ADAMTS15: variants seen among roughly 807,000 people sequenced by gnomAD.
The protein encoded by ADAMTS15 is A disintegrin and metalloproteinase with thrombospondin motifs 15.
Under a neutral mutation model 79.1 loss-of-function variants are expected in ADAMTS15, and 35 were observed. The observed-to-expected ratio is 0.44, with a 90% CI of 0.34 to 0.59. The LOEUF (loss-of-function observed/expected upper bound fraction) is 0.59, where lower values mean the gene tolerates loss of function less well. ADAMTS15 is among the 20% of genes least tolerant of loss of function. The pLI, the probability that ADAMTS15 is intolerant of heterozygous loss-of-function variation, is 0.02. For missense variants in ADAMTS15, 1,324 were observed against 1,318.7 expected (o/e 1.00, Z -0.06); for synonymous variants, 616 against 567.3 (o/e 1.09, Z -1.22).
At position 130,449,455 on chromosome 11, in the gene ADAMTS15, G is replaced by A. The variant is rs1263982827; in HGVS notation, c.482G>A (p.Gly161Asp). The A allele has an allele frequency of 1.9e-6, 3 of 1,580,356 alleles. No homozygotes were observed. In the South Asian group the frequency reaches 3.4e-5, roughly 18 times the overall value. The change falls in exon 1 of 8, where the codon GGT becomes GAT. Residue 161 changes from glycine to aspartate, a missense_variant. Gly to Asp is a moderately conservative substitution (Grantham distance 94). Transcript: ENST00000299164. The surrounding 1 kb of genome is among the most constrained non-coding windows in gnomAD (Gnocchi z 7.8). ...GGCGCACACCTTCTCCAGCGCCGGG[G>A]TGTTCCGGGCGGGCCTTCCGGAGAC... The part of the protein sequence containing the change: ...SQGAHLLQRR[G>D]VPGGPSGDPT...
intron 5 of ADAMTS15, among the ~76,000 whole-genome samples, chr11:130,470,174 ATATATATGTG>A (rs1398125457): frequency 1.4e-4 from 9 of 63,562 alleles, no homozygotes; most frequent in African/African-American, 5.0e-4. Flanking sequence ...ATATATATAT[ATATATATGTG>A]TGTATATATA....
chr11:130,449,028 T>C lies in ADAMTS15; in HGVS notation c.55T>C (p.Ser19Pro). 6.6e-7 allele frequency: 1 copy of C among 1,525,928 alleles called. No individual in the cohort carries two copies. Among genetic ancestry groups the C allele is most frequent in the Non-Finnish European group, 8.8e-7 (1 of 1,135,674 alleles). 94.5% of individuals were successfully genotyped at this position (1,525,928 alleles called of 1,614,324 possible). Residue 19 changes from serine (S) to proline (P), a missense_variant, in exon 1 of 8, where the codon TCT becomes CCT. Physicochemically the swap from Ser to Pro is moderately conservative, Grantham distance 74. Coordinates refer to ENST00000299164, the MANE Select transcript of ADAMTS15 (RefSeq NM_139055.4). This position sits in a 1 kb window ranked among gnomAD's most constrained non-coding sequence, Gnocchi z 7.8. ...TTTCGCCGGGCGAACCGCTGGAGGCTCTGAGCCAGAGCGGGAGGTAGTCGT... is the reference window on the plus strand; with the variant it reads ...TTTCGCCGGGCGAACCGCTGGAGGCCCTGAGCCAGAGCGGGAGGTAGTCGT... ...LAFAGRTAGG[S>P]EPEREVVVPI...
chr11:130,457,393 T>C (rs1386527211), intron 1 of ADAMTS15, among the ~76,000 whole-genome samples: 2 of 152,120 alleles, frequency 1.3e-5, no homozygotes, highest in Non-Finnish European at 2.9e-5. Flanking sequence ...GAGGTGTGTA[T>C]GGAGTGACAC....
chr11:130,470,133 C>T (rs7478903), intron 5 of ADAMTS15, among the ~76,000 whole-genome samples: 2,148 of 74,098 alleles, frequency 0.029, 135 homozygotes, highest in African/African-American at 0.068. Flanking sequence ...TATATATATA[C>T]ATATATATAT....
At position 130,449,412 on chromosome 11, in the gene ADAMTS15, G is replaced by T; in HGVS notation, c.439G>T (p.Ala147Ser). Residue 147 changes from alanine to serine, a missense_variant, in exon 1 of 8, where the codon GCG becomes TCG. Ala to Ser is a moderately conservative substitution (Grantham distance 99). Transcript: ENST00000299164. The surrounding 1 kb of genome is among the most constrained non-coding windows in gnomAD (Gnocchi z 7.8). ...SPLPNASAPA[A>S]QRNSQGAHLL... ...GCTGCCCAATGCTAGCGCGCCGGCG[G>T]CGCAGCGCAACAGCCAGGGCGCACA... 6.3e-7 allele frequency: 1 copy of T among 1,597,540 alleles called. No homozygotes were observed. Among genetic ancestry groups the T allele is most frequent in the South Asian group, 1.1e-5 (1 of 90,964 alleles).
Position 130,472,679 on chromosome 11 carries a change from C to CT in ADAMTS15, c.2079-368_2079-367insT, listed in dbSNP as rs1938481315. The stretch of plus-strand genomic sequence containing the variant: ...TGGTGGACTTACTCCTCCCGCCCCA[C>CT]CCCTCCTCCTCCTCCTCCTCCTCCT... On this transcript the variant is annotated intron_variant, in intron 7 of 7. Coordinates refer to ENST00000299164, the MANE Select transcript of ADAMTS15 (RefSeq NM_139055.4). This position sits in a 1 kb window ranked among gnomAD's most constrained non-coding sequence, Gnocchi z 4.7. Among the ~76,000 whole-genome samples the CT allele has an allele frequency of 6.8e-6, 1 of 146,500 alleles. No individual in the cohort carries two copies. Among genetic ancestry groups the CT allele is most frequent in the Non-Finnish European group, 1.5e-5 (1 of 67,202 alleles).
At position 130,473,308 on chromosome 11, in the gene ADAMTS15, C is replaced by T. The variant is rs750849392; in HGVS notation, c.2340C>T (p.Thr780=). ...QASRPILEPL[T]VEVLSVGKMT... is the part of the protein sequence containing the mutation. ...CCCGGCCCATCCTGGAGCCGCTGACCGTGGAGGTCCTCTCCGTGGGGAAGA... is the reference window on the plus strand; with the variant it reads ...CCCGGCCCATCCTGGAGCCGCTGACTGTGGAGGTCCTCTCCGTGGGGAAGA... Residue 780 remains threonine, a synonymous_variant, in exon 8 of 8, where the codon ACC becomes ACT. Transcript: ENST00000299164. 1.4e-5 allele frequency: 22 copies of T among 1,613,002 alleles called. No homozygotes were observed. The highest frequency in any genetic ancestry group is 1.3e-4 in the Admixed American group (8 of 60,016).
Position 130,470,999 on chromosome 11 carries a change from C to T in ADAMTS15, c.1800C>T (p.Ala600=), listed in dbSNP as rs1017560645. 15 of 1,613,722 alleles carry T rather than the reference C, an allele frequency of 9.3e-6. No individual in the cohort carries two copies. Among genetic ancestry groups the T allele is most frequent in the African/African-American group, 1.3e-5 (1 of 74,926 alleles). ...ACAGCACCAACCGGCTCACTCTCGC[C>T]GTGGCATGGGTGCCCAAGTACTCCG... The part of the protein sequence containing the change: ...YNHSTNRLTL[A]VAWVPKYSGV... The change falls in exon 6 of 8, where the codon GCC becomes GCT. Residue 600 remains alanine, a synonymous_variant. Transcript: ENST00000299164.
At chr11:130,468,632 G>T (rs941449281) in intron 4 of ADAMTS15, among the ~76,000 whole-genome samples, 1 of 151,824 alleles carries the variant, frequency 6.6e-6, no homozygotes, top group Non-Finnish European at 1.5e-5. Context: ...GGGCGTGGTG[G>T]CGGGCGCCTG....
At chr11:130,465,189 A>T (rs919871891) in intron 4 of ADAMTS15, among the ~76,000 whole-genome samples, 1 of 151,722 alleles carries the variant, frequency 6.6e-6, no homozygotes, top group African/African-American at 2.4e-5. Context: ...CTTTCTTCTC[A>T]TTTCCCGACG....
chr11:130,466,148 C>G (rs1420509854), intron 4 of ADAMTS15, among the ~76,000 whole-genome samples: 2 of 152,238 alleles, frequency 1.3e-5, no homozygotes, highest in Non-Finnish European at 2.9e-5. Flanking sequence ...GTTGGGATCA[C>G]AGGCGTGAGC....
chr11:130,460,617 G>T (rs1473920813), intron 1 of ADAMTS15, among the ~76,000 whole-genome samples: 1 of 152,170 alleles, frequency 6.6e-6, no homozygotes, highest in Admixed American at 6.5e-5. Context: ...GTACACAAAT[G>T]TCTTATCCTA....
intron 5 of ADAMTS15, among the ~76,000 whole-genome samples, chr11:130,470,194 A>ATATACG (rs1938418585): frequency 1.8e-5 from 1 of 56,230 alleles, no homozygotes. Flanking sequence ...GTGTATATAT[A>ATATACG]TATATATATA....
intron 1 of ADAMTS15, among the ~76,000 whole-genome samples, chr11:130,451,749 A>G (rs1937965580): frequency 6.6e-6 from 1 of 151,820 alleles, no homozygotes; most frequent in African/African-American, 2.4e-5. Context: ...TAGGAGAAGA[A>G]CTCCTGCTGG....
At position 130,449,001 on chromosome 11, in the gene ADAMTS15, G is replaced by A; in HGVS notation, c.28G>A (p.Ala10Thr). The change falls in exon 1 of 8, where the codon GCT becomes ACT. Residue 10 changes from alanine (A) to threonine (T), a missense_variant. Transcript: ENST00000299164. The surrounding 1 kb of genome is among the most constrained non-coding windows in gnomAD (Gnocchi z 7.8). MLLLGILTL[A>T]FAGRTAGGSE... ...GCTTCTGCTGGGCATCCTAACCCTG[G>A]CTTTCGCCGGGCGAACCGCTGGAGG... The A allele has an allele frequency of 6.6e-7, 1 of 1,509,424 alleles. No homozygotes were observed. 93.5% of individuals were successfully genotyped at this position (1,509,424 alleles called of 1,614,324 possible).
intron 1 of ADAMTS15, among the ~76,000 whole-genome samples, chr11:130,453,606 T>G (rs2134717854): frequency 6.6e-6 from 1 of 152,148 alleles, no homozygotes; most frequent in South Asian, 2.1e-4. Context: ...TAATTTATTT[T>G]TGTAGAGACA....
rs61753090 is a variant in ADAMTS15, at chr11:130,449,676, G to C, written c.703G>C (p.Gly235Arg). 1 of 1,602,544 alleles carries C rather than the reference G, an allele frequency of 6.2e-7. No homozygotes were observed. The highest frequency in any genetic ancestry group is 1.3e-5 in the African/African-American group (1 of 74,782). Residue 235 changes from glycine to arginine, a missense_variant, in exon 1 of 8, where the codon GGC (glycine) becomes CGC (arginine). Coordinates refer to ENST00000299164, the MANE Select transcript of ADAMTS15 (RefSeq NM_139055.4). This position sits in a 1 kb window ranked among gnomAD's most constrained non-coding sequence, Gnocchi z 7.8. Reference protein sequence around the residue: ...VADESMVKFHGADLEHYLLTL... With the variant: ...VADESMVKFHRADLEHYLLTL... ...GGACGAGTCAATGGTCAAGTTCCACGGCGCGGACCTGGAACATTATCTGCT... is the reference window on the plus strand; with the variant it reads ...GGACGAGTCAATGGTCAAGTTCCACCGCGCGGACCTGGAACATTATCTGCT...
chr11:130,457,944 T>TCTTA (rs1938121420), intron 1 of ADAMTS15, among the ~76,000 whole-genome samples: 1 of 152,176 alleles, frequency 6.6e-6, no homozygotes, highest in African/African-American at 2.4e-5. Flanking sequence ...CCAGAGCCAC[T>TCTTA]CTTACCCTCA....
intron 1 of ADAMTS15, chr11:130,450,372 A>G (rs537709393): frequency 3.0e-6 from 3 of 985,456 alleles, no homozygotes; most frequent in East Asian, 2.3e-4. Flanking sequence ...CAAGGGTTGT[A>G]GAACTGAAGG....
Sources: allele counts gnomAD v4.1 joint callset (sites outside exome capture counted in the v4.1 genomes callset), GRCh38; gene constraint gnomAD v4.1.1; non-coding constraint Gnocchi (gnomAD v3.1); transcripts MANE v1.5; gene names NCBI Gene and HGNC (gene_info 2026-07-23, HGNC 2026-07-21).